ACBD6: variants seen among roughly 807,000 people sequenced by gnomAD.
The protein encoded by ACBD6 is acyl-CoA-binding domain-containing protein 6.
ACBD6 carries 28 observed loss-of-function variants against 37.2 expected under a neutral mutation model. The ratio of observed to expected loss-of-function variants is 0.75; its 90% CI spans 0.56 to 1.03. ACBD6 has a LOEUF of 1.03. Among genes scored for constraint, ACBD6 ranks in the 50% least tolerant of loss-of-function variants. ACBD6 has a pLI of 0.00. For synonymous variants in ACBD6, 113 were observed against 126.8 expected, an observed-to-expected ratio of 0.89 and a Z score of 0.73; for missense variants, 340 against 337.4, an observed-to-expected ratio of 1.01 and a Z score of -0.06.
At position 180,502,187 on chromosome 1, in the gene ACBD6, T is replaced by A; in HGVS notation, c.80A>T (p.Glu27Val). The change falls in exon 1 of 8, where the codon GAG becomes GTG. Residue 27 changes from glutamate to valine, a missense_variant. Coordinates refer to ENST00000367595, the MANE Select transcript of ACBD6 (RefSeq NM_032360.4). Reference protein sequence around the residue: ...GELSSGDDSGEVEFPHSPEIE... With the variant: ...GELSSGDDSGVVEFPHSPEIE... ...CTCAGGGCTATGGGGGAACTCCACCTCCCCGGAGTCGTCCCCTGAGCTCAG... is the reference window on the plus strand; with the variant it reads ...CTCAGGGCTATGGGGGAACTCCACCACCCCGGAGTCGTCCCCTGAGCTCAG... The A allele has an allele frequency of 6.2e-7, 1 of 1,613,990 alleles. No homozygotes were observed. Among genetic ancestry groups the A allele is most frequent in the South Asian group, 1.1e-5 (1 of 91,078 alleles).
At chr1:180,271,496 C>T (rs1260643048) in exon 14 of ACBD6, 1 of 1,614,182 alleles carries the variant, frequency 6.2e-7, no homozygotes, top group Non-Finnish European at 8.5e-7. Context: ...GAGGGAGCAG[C>T]TGTCCTCAGA....
chr1:180,402,868 A>T (rs1647437622), intron 5 of ACBD6, among the ~76,000 whole-genome samples: 1 of 152,102 alleles, frequency 6.6e-6, no homozygotes, highest in Non-Finnish European at 1.5e-5. Flanking sequence ...AGGGTGAAGG[A>T]ATATGAAAGG....
intron 6 of ACBD6, among the ~76,000 whole-genome samples, chr1:180,316,938 A>G (rs377355658): frequency 6.6e-6 from 1 of 152,226 alleles, no homozygotes; most frequent in African/African-American, 2.4e-5. Flanking sequence ...GTGCTATTTT[A>G]GATAGAAAGG....
At chr1:180,286,003 T>C (rs1224604614), downstream of ACBD6, among the ~76,000 whole-genome samples, 1 of 152,186 alleles carries the variant, frequency 6.6e-6, no homozygotes, top group Non-Finnish European at 1.5e-5. Flanking sequence ...TATGAGACTT[T>C]TCAAGATATC....
intron 6 of ACBD6, among the ~76,000 whole-genome samples, chr1:180,353,785 CA>C (rs56286672): frequency 5.1e-5 from 1 of 19,754 alleles, no homozygotes; most frequent in Non-Finnish European, 8.6e-5. Context: ...TTAACAACCA[CA>C]AAAAAAAAAA....
intron 6 of ACBD6, among the ~76,000 whole-genome samples, chr1:180,386,931 C>A (rs1323499448): frequency 6.6e-6 from 1 of 152,040 alleles, no homozygotes. Flanking sequence ...TTTTACCATT[C>A]GAGTTGTGAT....
At chr1:180,294,407 G>A (rs1049297129) in intron 7 of ACBD6, among the ~76,000 whole-genome samples, 6 of 151,858 alleles carry the variant, frequency 4.0e-5, no homozygotes, top group Non-Finnish European at 8.8e-5. Flanking sequence ...GCATGGTGGC[G>A]CATTCCTATA....
At chr1:180,349,998 G>A (rs1652344886) in intron 6 of ACBD6, among the ~76,000 whole-genome samples, 1 of 148,572 alleles carries the variant, frequency 6.7e-6, no homozygotes, top group African/African-American at 2.5e-5. Context: ...TACAACTAAA[G>A]GTGTTTCAGT....
exon 14 of ACBD6, chr1:180,269,919 G>A (rs1648536026): frequency 6.6e-6 from 1 of 152,244 alleles, no homozygotes; most frequent in South Asian, 2.1e-4. Context: ...GGAGGGAGTT[G>A]GGCCACAGTA....
At chr1:180,339,645 A>C (rs1184951936) in intron 6 of ACBD6, among the ~76,000 whole-genome samples, 1 of 152,220 alleles carries the variant, frequency 6.6e-6, no homozygotes, top group African/African-American at 2.4e-5. Context: ...ACAAACCTGC[A>C]CGTTGTGCAC....
At chr1:180,384,984 T>C (rs549664425) in intron 6 of ACBD6, among the ~76,000 whole-genome samples, 3 of 152,156 alleles carry the variant, frequency 2.0e-5, no homozygotes, top group Admixed American at 6.5e-5. Flanking sequence ...GAAGGACTGA[T>C]ACCAGAGGCT....
intron 6 of ACBD6, among the ~76,000 whole-genome samples, chr1:180,394,781 G>A (rs1654200633): frequency 6.6e-6 from 1 of 151,970 alleles, no homozygotes; most frequent in Admixed American, 6.6e-5. Context: ...GCACCATCTG[G>A]ACAAAAGTAA....
intron 3 of ACBD6, among the ~76,000 whole-genome samples, chr1:180,465,439 T>C (rs113574083): frequency 6.6e-6 from 1 of 152,186 alleles, no homozygotes; most frequent in Non-Finnish European, 1.5e-5. Flanking sequence ...ATTCGAGAAA[T>C]GCAAATCAAA....
At chr1:180,291,595 C>CA (rs1649708853) in intron 7 of ACBD6, among the ~76,000 whole-genome samples, 1 of 151,964 alleles carries the variant, frequency 6.6e-6, no homozygotes, top group Non-Finnish European at 1.5e-5. Context: ...GTTGTGGACA[C>CA]AAAATTTTTT....
At chr1:180,484,906 A>G (rs1372668375) in intron 3 of ACBD6, among the ~76,000 whole-genome samples, 1 of 152,030 alleles carries the variant, frequency 6.6e-6, no homozygotes, top group Non-Finnish European at 1.5e-5. Flanking sequence ...TCTACTAAAA[A>G]TACAAAAATT....
At chr1:180,381,807 G>T (rs1181800952) in intron 6 of ACBD6, among the ~76,000 whole-genome samples, 1 of 151,954 alleles carries the variant, frequency 6.6e-6, no homozygotes, top group Non-Finnish European at 1.5e-5. Context: ...TCACCTCAAG[G>T]AACTAGAAAA....
At chr1:180,311,055 T>TAC (rs1650572467) in intron 7 of ACBD6, among the ~76,000 whole-genome samples, 1 of 152,196 alleles carries the variant, frequency 6.6e-6, no homozygotes, top group Non-Finnish European at 1.5e-5. Context: ...ACAACAGAGA[T>TAC]AGTGTTTCTT....
downstream of ACBD6, among the ~76,000 whole-genome samples, chr1:180,285,014 T>C (rs759070299): frequency 9.2e-5 from 14 of 151,984 alleles, no homozygotes; most frequent in Non-Finnish European, 1.6e-4. Flanking sequence ...TGTGCACCTG[T>C]GGTCCCAGCT....
intron 1 of ACBD6, among the ~76,000 whole-genome samples, chr1:180,496,047 G>A (rs1651726236): frequency 6.6e-6 from 1 of 152,060 alleles, no homozygotes; most frequent in Non-Finnish European, 1.5e-5. Context: ...TATAAATTTG[G>A]ATGCCAAAAG....
Sources: gnomAD v4.1 joint callset for allele counts (sites outside exome capture counted in the v4.1 genomes callset) on GRCh38, gnomAD v4.1.1 for gene constraint, MANE v1.5 for transcripts, NCBI Gene and HGNC (gene_info 2026-07-23, HGNC 2026-07-21) for gene names.